The following NSFL1C variants were observed in gnomAD, a reference collection of about 807,000 sequenced individuals.
NSFL1C encodes the protein NSFL1 cofactor p47.
NSFL1C carries 14 observed loss-of-function variants against 43.1 expected under a neutral mutation model. The observed-to-expected ratio is 0.32, with a 90% CI of 0.21 to 0.51. The LOEUF (loss-of-function observed/expected upper bound fraction) is 0.51, where lower values mean the gene tolerates loss of function less well. Ranked by LOEUF, NSFL1C falls within the 20% of genes least tolerant of loss-of-function variation. The pLI, the probability that NSFL1C is intolerant of heterozygous loss-of-function variation, is 0.98. For missense variants in NSFL1C, 406 were observed against 472.5 expected (o/e 0.86, Z 1.30); for synonymous variants, 171 against 183.5 (o/e 0.93, Z 0.55).
chr20:1,454,396 G>A (rs533954618), intron 4 of NSFL1C, 91 bp from the exon 5 acceptor site: 1 of 884,684 alleles, frequency 1.1e-6, no homozygotes, highest in Non-Finnish European at 1.8e-6. Flanking sequence ...TAGGTAAGAG[G>A]AAGAAAGAGG....
Position 1,455,080 on chromosome 20 carries a change from T to C in NSFL1C, c.331A>G (p.Arg111Gly). The part of the protein sequence containing the change: ...RSGQQIVGPP[R>G]KKSPNELVDD... Reference sequence around the variant, plus strand: ...ACCAGCTCGTTGGGACTTTTCTTCCTGGGAGGGCCAACAATCTGCTGTCCA... The same window carrying C: ...ACCAGCTCGTTGGGACTTTTCTTCCCGGGAGGGCCAACAATCTGCTGTCCA... Residue 111 changes from arginine (R) to glycine (G), a missense_variant, in exon 4 of 9, where the codon AGG (arginine) becomes GGG (glycine). Arg to Gly is a moderately radical substitution (Grantham distance 125). Coordinates refer to ENST00000216879, the MANE Select transcript of NSFL1C (RefSeq NM_016143.5). 6.2e-7 allele frequency: 1 copy of C among 1,614,180 alleles called. No homozygotes were observed. Among genetic ancestry groups the C allele is most frequent in the Non-Finnish European group, 8.5e-7 (1 of 1,180,016 alleles).
chr20:1,457,686 T>C (rs1423513996), intron 3 of NSFL1C, among the ~76,000 whole-genome samples: 1 of 152,232 alleles, frequency 6.6e-6, no homozygotes, highest in Non-Finnish European at 1.5e-5. Flanking sequence ...ATGCTTTATT[T>C]GTGTTTCTGT....
At chr20:1,453,288 C>T (rs1465880328) in intron 5 of NSFL1C, 148 bp from the exon 6 acceptor site, 3 of 597,420 alleles carry the variant, frequency 5.0e-6, no homozygotes, top group East Asian at 5.6e-5. Context: ...GCACAAGCAA[C>T]TCAACAAGCA....
chr20:1,449,820 T>C (rs1388350503), intron 7 of NSFL1C, among the ~76,000 whole-genome samples: 3 of 152,132 alleles, frequency 2.0e-5, no homozygotes, highest in Non-Finnish European at 4.4e-5. Context: ...AGCCATCTTC[T>C]CCACAAAAAT....
intron 7 of NSFL1C, among the ~76,000 whole-genome samples, chr20:1,448,528 A>G (rs1226461874): frequency 1.3e-5 from 2 of 152,170 alleles, no homozygotes; most frequent in Non-Finnish European, 2.9e-5. Flanking sequence ...GGAAGAGATG[A>G]GGAAAGCCTG....
intron 6 of NSFL1C, among the ~76,000 whole-genome samples, 185 bp from the exon 7 acceptor site, chr20:1,452,815 C>T (rs1423250778): frequency 6.6e-6 from 1 of 152,242 alleles, no homozygotes; most frequent in African/African-American, 2.4e-5. Context: ...CCATGGCCGA[C>T]ACCTATTTCT....
rs1054287345 is a variant in NSFL1C, at chr20:1,443,628, T to G, written c.*121A>C. 4 of 921,612 alleles carry G rather than the reference T, an allele frequency of 4.3e-6. No homozygotes were observed. The highest frequency in any genetic ancestry group is 6.5e-6 in the Non-Finnish European group (4 of 611,674). 57.1% of individuals were successfully genotyped at this position (921,612 alleles called of 1,614,324 possible). On this transcript the variant is annotated 3_prime_UTR_variant, in exon 9 of 9. Transcript: ENST00000216879. Reference sequence around the variant, plus strand: ...ACCAAGATCTAAGAACCCAGAGCTATGGAGGAGACGTTGCACTGGACTGCT... The same window carrying G: ...ACCAAGATCTAAGAACCCAGAGCTAGGGAGGAGACGTTGCACTGGACTGCT...
chr20:1,466,621 G>C, intron 1 of NSFL1C, 99 bp downstream of exon 1: 1 of 1,159,908 alleles, frequency 8.6e-7, no homozygotes, highest in African/African-American at 1.6e-5. Flanking sequence ...CGGTAGAGCG[G>C]GGATGACTGT....
chr20:1,453,560 C>T (rs1016880885), intron 5 of NSFL1C, among the ~76,000 whole-genome samples: 2 of 152,222 alleles, frequency 1.3e-5, no homozygotes, highest in African/African-American at 4.8e-5. Flanking sequence ...ACAACTCCCA[C>T]ACACATTCAC....
rs145169853 is a variant in NSFL1C at position 1,460,043 on chromosome 20, T to C, written c.204-1769A>G. ...TATCCGACATTGATTCTGGTATCCATGTACCAGATTCCAATCCCAATTCTG... is the reference window on the plus strand; with the variant it reads ...TATCCGACATTGATTCTGGTATCCACGTACCAGATTCCAATCCCAATTCTG... On this transcript the variant is annotated intron_variant, in intron 2 of 8. Transcript: ENST00000216879. 7.2e-5 allele frequency among the ~76,000 whole-genome samples: 11 copies of C among 152,332 alleles called. No individual in the cohort carries two copies. The East Asian group carries it at 1.7e-3, about 24-fold the overall frequency.
intron 3 of NSFL1C, 104 bp from the exon 4 acceptor site, chr20:1,455,236 G>T: frequency 3.8e-6 from 5 of 1,302,592 alleles, no homozygotes; most frequent in South Asian, 3.5e-5. Flanking sequence ...TACAATGCTT[G>T]TCTTTAAAGA....
rs1272441151 is a variant in NSFL1C at position 1,442,742 on chromosome 20, C to T, written c.*1007G>A. On this transcript the variant is annotated 3_prime_UTR_variant, in exon 9 of 9. Coordinates refer to ENST00000216879, the MANE Select transcript of NSFL1C (RefSeq NM_016143.5). ...CAAAGCCAAGTAGTGACACTCACTT[C>T]CAAAACATACCCAGCAGAAGCCTCC... The T allele has an allele frequency of 6.6e-6, 1 of 152,176 alleles. No homozygotes were observed. Among genetic ancestry groups the T allele is most frequent in the Non-Finnish European group, 1.5e-5 (1 of 68,032 alleles). 9.4% of individuals were successfully genotyped at this position (152,176 alleles called of 1,614,324 possible). A position where few individuals can be genotyped will look rare whatever the true frequency, so the allele number is the denominator to read the frequency against.
chr20:1,446,492 G>C (rs886410515), intron 7 of NSFL1C, among the ~76,000 whole-genome samples: 5 of 152,192 alleles, frequency 3.3e-5, no homozygotes, highest in Non-Finnish European at 7.3e-5. Context: ...CACGGTGTCA[G>C]ACACAGTGTT....
At chr20:1,457,937 A>G (rs2090335480) in intron 3 of NSFL1C, 2 of 372,866 alleles carry the variant, frequency 5.4e-6, no homozygotes, top group Non-Finnish European at 9.8e-6. Context: ...TTTAGTCAAT[A>G]CCAAAAAGTG....
intron 7 of NSFL1C, 131 bp from the exon 8 acceptor site, chr20:1,445,961 C>A: frequency 1.0e-6 from 1 of 999,378 alleles, no homozygotes. Flanking sequence ...TCTATTGACC[C>A]AGACAGGGAA....
In NSFL1C at chr20:1,442,200, C is replaced by T. The variant is rs2122772491; in HGVS notation, c.*1549G>A. ...TTCTGGTTTTTAATGGTCAAGGTGA[C>T]AACAGTGTACAGTTTTTCCAGACCC... On this transcript the variant is annotated 3_prime_UTR_variant, in exon 9 of 9. Coordinates refer to ENST00000216879, the MANE Select transcript of NSFL1C (RefSeq NM_016143.5). 6.6e-6 allele frequency: 1 copy of T among 152,324 alleles called. No individual in the cohort carries two copies. The highest frequency in any genetic ancestry group is 2.4e-5 in the African/African-American group (1 of 41,556). 9.4% of individuals were successfully genotyped at this position (152,324 alleles called of 1,614,324 possible).
chr20:1,458,475 T>C (rs2090347967), intron 2 of NSFL1C, among the ~76,000 whole-genome samples: 1 of 152,140 alleles, frequency 6.6e-6, no homozygotes, highest in South Asian at 2.1e-4. Flanking sequence ...ACAGATTGAG[T>C]ATAAATTAGA....
At chr20:1,459,252 T>A (rs1327222918) in intron 2 of NSFL1C, among the ~76,000 whole-genome samples, 1 of 152,192 alleles carries the variant, frequency 6.6e-6, no homozygotes, top group Admixed American at 6.5e-5. Context: ...TCCCTCATGC[T>A]GTTCTCATGA....
rs1013441218 is a variant in NSFL1C, at chr20:1,454,322, C to G, written c.445-17G>C. ...TGCAAATGGCTATAAGGGACAAGTT[C>G]ATACACATTTAAGGGGTTGGTCCAT... is the stretch of plus-strand genomic sequence containing the variant. On this transcript the variant is annotated splice_polypyrimidine_tract_variant and intron_variant, in intron 4 of 8. Transcript: ENST00000216879. 1 of 1,586,922 alleles carries G rather than the reference C, an allele frequency of 6.3e-7. No individual in the cohort carries two copies. The highest frequency in any genetic ancestry group is 8.6e-7 in the Non-Finnish European group (1 of 1,157,086).
Sources: allele counts gnomAD v4.1 joint callset (sites outside exome capture counted in the v4.1 genomes callset), GRCh38; gene constraint gnomAD v4.1.1; transcripts MANE v1.5; gene names NCBI Gene and HGNC (gene_info 2026-07-23, HGNC 2026-07-21).